The following CACNA2D3 variants were observed in gnomAD, a reference collection of about 807,000 sequenced individuals.
The protein encoded by CACNA2D3 is voltage-dependent calcium channel subunit alpha-2/delta-3.
In CACNA2D3, 60 loss-of-function variants were observed where a neutral mutation model predicts 160.6. The ratio of observed to expected loss-of-function variants is 0.37; its 90% CI spans 0.30 to 0.46. The LOEUF is 0.46. CACNA2D3 is among the 20% of genes least tolerant of loss of function. The pLI, the probability that CACNA2D3 is intolerant of heterozygous loss-of-function variation, is 1.00. For missense variants in CACNA2D3, 1,205 were observed against 1,365.0 expected, an observed-to-expected ratio of 0.88 and a Z score of 1.85; for synonymous variants, 558 against 492.9, an observed-to-expected ratio of 1.13 and a Z score of -1.75.
At chr3:54,417,858 C>T (rs1006684583) in intron 4 of CACNA2D3, among the ~76,000 whole-genome samples, 2 of 151,892 alleles carry the variant, frequency 1.3e-5, no homozygotes, top group African/African-American at 4.8e-5. Context: ...GTGATCATGG[C>T]TCACTACAGC....
rs550557686 is a variant in CACNA2D3, at chr3:54,264,314, A to C, written c.205-56128A>C. Among the ~76,000 whole-genome samples, 9 of 152,228 alleles carry C rather than the reference A, an allele frequency of 5.9e-5. No individual in the cohort carries two copies. The East Asian group carries it at 1.4e-3, about 23-fold the overall frequency. Reference sequence around the variant, plus strand: ...CGAAGTCATGGAAAGGTTCTCTTATATTGAATGTGTCTTGTGTAATGATGA... The same window carrying C: ...CGAAGTCATGGAAAGGTTCTCTTATCTTGAATGTGTCTTGTGTAATGATGA... On this transcript the variant is annotated intron_variant, in intron 2 of 37. Transcript: ENST00000474759.
At chr3:54,229,593 C>T (rs574205871) in intron 2 of CACNA2D3, among the ~76,000 whole-genome samples, 11 of 152,174 alleles carry the variant, frequency 7.2e-5, no homozygotes, top group African/African-American at 2.2e-4. Flanking sequence ...CCTCGGCCTC[C>T]GAAAGCGCTG....
chr3:54,921,723 G>A (rs1357623728), intron 27 of CACNA2D3, among the ~76,000 whole-genome samples: 1 of 152,072 alleles, frequency 6.6e-6, no homozygotes, highest in East Asian at 1.9e-4. Flanking sequence ...TAAACTTGGC[G>A]ACATCACAAG....
chr3:54,943,502 C>T (rs115977778), intron 27 of CACNA2D3, among the ~76,000 whole-genome samples: 67 of 152,190 alleles, frequency 4.4e-4, no homozygotes, highest in African/African-American at 1.5e-3. Flanking sequence ...AATTAGTCAG[C>T]GAATATATTA....
At chr3:54,643,269 C>T (rs1699563389) in intron 11 of CACNA2D3, among the ~76,000 whole-genome samples, 1 of 152,208 alleles carries the variant, frequency 6.6e-6, no homozygotes, top group Non-Finnish European at 1.5e-5. Context: ...ATCTAGGGAG[C>T]ACATACTCTG....
chr3:54,896,578 G>A, intron 25 of CACNA2D3, 171 bp from the exon 26 acceptor site: 1 of 653,464 alleles, frequency 1.5e-6, no homozygotes, highest in Non-Finnish European at 2.7e-6. Flanking sequence ...AGATGTTTTT[G>A]AGTAATCTGG....
intron 3 of CACNA2D3, among the ~76,000 whole-genome samples, chr3:54,322,351 C>G (rs1024523218): frequency 2.6e-5 from 4 of 152,212 alleles, no homozygotes; most frequent in South Asian, 4.1e-4. Flanking sequence ...TACGAGAAGT[C>G]AATGATTTAA....
chr3:54,612,643 T>G (rs1698766994), intron 9 of CACNA2D3, among the ~76,000 whole-genome samples: 1 of 152,172 alleles, frequency 6.6e-6, no homozygotes, highest in Admixed American at 6.5e-5. Context: ...TAGAGATATA[T>G]TAATTATACT....
At chr3:54,682,398 G>A (rs997398654) in intron 11 of CACNA2D3, among the ~76,000 whole-genome samples, 2 of 152,138 alleles carry the variant, frequency 1.3e-5, no homozygotes, top group East Asian at 1.9e-4. Context: ...AGGTCAAGGC[G>A]AGTGGATCAT....
At chr3:54,784,474 C>T (rs1466968700) in intron 13 of CACNA2D3, among the ~76,000 whole-genome samples, 1 of 151,850 alleles carries the variant, frequency 6.6e-6, no homozygotes, top group African/African-American at 2.4e-5. Flanking sequence ...CTGTTTTGCT[C>T]CCCCCAAATA....
At chr3:54,228,546 A>G (rs888665472) in intron 2 of CACNA2D3, among the ~76,000 whole-genome samples, 1 of 152,238 alleles carries the variant, frequency 6.6e-6, no homozygotes, top group Non-Finnish European at 1.5e-5. Context: ...TCTAGCAGTC[A>G]TCTCTTTAGC....
chr3:55,040,590 C>T (rs908107971), intron 35 of CACNA2D3, among the ~76,000 whole-genome samples: 2 of 144,978 alleles, frequency 1.4e-5, no homozygotes, highest in African/African-American at 2.5e-5. Flanking sequence ...GAGGCTAAAG[C>T]GGGAGGATCA....
chr3:54,501,406 A>AT (rs35135959), intron 4 of CACNA2D3, among the ~76,000 whole-genome samples: 44,080 of 137,412 alleles, frequency 0.32, 7,802 homozygotes, highest in East Asian at 0.45. Flanking sequence ...CTCTAACACT[A>AT]TTTTTTTTTT....
intron 10 of CACNA2D3, among the ~76,000 whole-genome samples, chr3:54,640,735 T>C (rs577311961): frequency 6.6e-6 from 1 of 152,354 alleles, no homozygotes; most frequent in East Asian, 1.9e-4. Context: ...CTCAAGTGAA[T>C]TGTCATGTTA....
At chr3:54,125,246 C>CAT (rs1256791653) in intron 2 of CACNA2D3, among the ~76,000 whole-genome samples, 2 of 98,760 alleles carry the variant, frequency 2.0e-5, no homozygotes, top group Non-Finnish European at 4.7e-5. Flanking sequence ...TGAAGTTACA[C>CAT]ACACACACAC....
rs1702487877 is a variant in CACNA2D3, at chr3:54,265,577, T to TGTGTGTATATATATATA, written c.205-54849_205-54833dup. On this transcript the variant is annotated intron_variant, in intron 2 of 37. Coordinates refer to ENST00000474759, the MANE Select transcript of CACNA2D3 (RefSeq NM_018398.3). ...GTGTGTATAGTGTGTATATATATAG[T>TGTGTGTATATATATATA]GTGTGTATATATATATAGTGTGTAT... Among the ~76,000 whole-genome samples, 3 of 89,302 alleles carry TGTGTGTATATATATATA rather than the reference T, an allele frequency of 3.4e-5. 1 individual carries two copies. Among genetic ancestry groups the TGTGTGTATATATATATA allele is most frequent in the Admixed American group, 1.2e-4 (1 of 8,296 alleles). The allele number at this position is 89,302 out of a possible 152,430, so 58.6% of individuals were successfully genotyped here. A position where few individuals can be genotyped will look rare whatever the true frequency, so the allele number is the denominator to read the frequency against.
intron 11 of CACNA2D3, among the ~76,000 whole-genome samples, chr3:54,657,920 T>C (rs879784533): frequency 2.0e-5 from 3 of 152,104 alleles, no homozygotes; most frequent in Non-Finnish European, 4.4e-5. Context: ...TCCCAGCTAC[T>C]CAGGAGACTC....
At chr3:55,073,751 G>GGAAACATGCCTTA (rs1315564089) in intron 36 of CACNA2D3, 26 bp from the exon 37 acceptor site, 1 of 1,593,244 alleles carries the variant, frequency 6.3e-7, no homozygotes, top group South Asian at 1.1e-5. Flanking sequence ...AGCAATCCTT[G>GGAAACATGCCTTA]GAAACATGCC....
intron 14 of CACNA2D3, among the ~76,000 whole-genome samples, chr3:54,828,418 A>T (rs1703790168): frequency 6.6e-6 from 1 of 152,220 alleles, no homozygotes; most frequent in Non-Finnish European, 1.5e-5. Context: ...TTAATCAGTG[A>T]TATTCTCATG....
Sources: allele counts gnomAD v4.1 joint callset (sites outside exome capture counted in the v4.1 genomes callset), GRCh38; gene constraint gnomAD v4.1.1; transcripts MANE v1.5; gene names NCBI Gene and HGNC (gene_info 2026-07-23, HGNC 2026-07-21).